ZNF766: variants seen among roughly 807,000 people sequenced by gnomAD.
ZNF766 encodes the protein zinc finger protein 766.
ZNF766 carries 13 observed loss-of-function variants against 13.2 expected under a neutral mutation model. That is an observed-to-expected ratio of 0.98 (90% CI 0.64 to 1.56). The LOEUF (loss-of-function observed/expected upper bound fraction) is 1.56. Ranked by LOEUF, ZNF766 falls within the 40% of genes most tolerant of loss-of-function variation. ZNF766 has a pLI of 0.00. For synonymous variants in ZNF766, 178 were observed against 187.6 expected (o/e 0.95, Z 0.42); for missense variants, 521 against 552.2 (o/e 0.94, Z 0.57).
rs765175754 is a variant in ZNF766 at position 52,294,351 on chromosome 19, A to G, written c.*3153A>G. The G allele has an allele frequency of 6.6e-6, 1 of 152,194 alleles. No homozygotes were observed. Among genetic ancestry groups the G allele is most frequent in the Non-Finnish European group, 1.5e-5 (1 of 68,042 alleles). 9.4% of individuals were successfully genotyped at this position (152,194 alleles called of 1,614,324 possible). ...ACCTTTTTGGTAATTTGAACTTTTGATCATTCTTCTGGAACTGCTTTGACA... is the reference window on the plus strand; with the variant it reads ...ACCTTTTTGGTAATTTGAACTTTTGGTCATTCTTCTGGAACTGCTTTGACA... On this transcript the variant is annotated 3_prime_UTR_variant, in exon 4 of 4. Transcript: ENST00000439461.
chr19:52,286,197 A>ACCCCAG (rs1568621177), intron 3 of ZNF766, among the ~76,000 whole-genome samples: 1 of 148,370 alleles, frequency 6.7e-6, no homozygotes, highest in African/African-American at 2.6e-5. Flanking sequence ...TTCCCCCCTA[A>ACCCCAG]TTATAAAGGA....
Position 52,292,083 on chromosome 19 carries a change from A to G in ZNF766, c.*885A>G. ...CAGAGCGAGACCCTGTCTCAAAAGA[A>G]AAAAAAGGCTAGTTTTTATGACTTC... On this transcript the variant is annotated 3_prime_UTR_variant, in exon 4 of 4. Transcript: ENST00000439461. 1.4e-6 allele frequency: 1 copy of G among 696,890 alleles called. No homozygotes were observed. Among genetic ancestry groups the G allele is most frequent in the Non-Finnish European group, 2.6e-6 (1 of 383,020 alleles). 43.2% of individuals were successfully genotyped at this position (696,890 alleles called of 1,614,324 possible).
chr19:52,290,089 A>G lies in ZNF766; in HGVS notation c.298A>G (p.Lys100Glu). The G allele has an allele frequency of 6.2e-7, 1 of 1,612,212 alleles. No homozygotes were observed. The highest frequency in any genetic ancestry group is 2.2e-5 in the East Asian group (1 of 44,872). The change falls in exon 4 of 4, where the codon AAA (lysine) becomes GAA (glutamate). Residue 100 changes from lysine (K) to glutamate (E), a missense_variant. By Grantham distance (56) the Lys-to-Glu change is moderately conservative (BLOSUM62 1). Transcript: ENST00000439461. Reference sequence around the variant, plus strand: ...AGGGAGGAGCTGTGCAGTGAGAAGCAAAGCAGGAAACAAGCCTATTACAAA... The same window carrying G: ...AGGGAGGAGCTGTGCAGTGAGAAGCGAAGCAGGAAACAAGCCTATTACAAA... ...NTGRSCAVRSKAGNKPITNQL... is the reference protein window; with the variant it reads ...NTGRSCAVRSEAGNKPITNQL...
intron 1 of ZNF766, among the ~76,000 whole-genome samples, chr19:52,277,736 G>A (rs1981281908): frequency 6.6e-6 from 1 of 152,020 alleles, no homozygotes; most frequent in South Asian, 2.1e-4. Context: ...AACTTGGGAA[G>A]AGGCTGCACT....
In ZNF766 at chr19:52,292,518, A is replaced by G. The variant is rs1228176799; in HGVS notation, c.*1320A>G. ...GTGGCCACCGTCTCCATTGAATAGC[A>G]ATAGCTGCTGTTTAGCAAAGACTGA... On this transcript the variant is annotated 3_prime_UTR_variant, in exon 4 of 4. Transcript: ENST00000439461. 3.8e-6 allele frequency: 1 copy of G among 265,312 alleles called. No homozygotes were observed. The highest frequency in any genetic ancestry group is 2.2e-5 in the African/African-American group (1 of 45,546). 16.4% of individuals were successfully genotyped at this position (265,312 alleles called of 1,614,324 possible). A position where few individuals can be genotyped will look rare whatever the true frequency, so the allele number is the denominator to read the frequency against.
intron 3 of ZNF766, among the ~76,000 whole-genome samples, chr19:52,286,597 A>G (rs8103205): frequency 0.085 from 12,965 of 151,914 alleles, 1,216 homozygotes; most frequent in African/African-American, 0.23. Context: ...CATAATTGCT[A>G]AGGTTTTTCA....
At chr19:52,286,343 G>T (rs1441257063) in intron 3 of ZNF766, among the ~76,000 whole-genome samples, 1 of 148,696 alleles carries the variant, frequency 6.7e-6, no homozygotes, top group Non-Finnish European at 1.5e-5. Context: ...TTTTCTTTTG[G>T]GGGAGTGTCT....
In ZNF766 at chr19:52,290,219, G is replaced by A. The variant is rs185292476; in HGVS notation, c.428G>A (p.Ser143Asn). The A allele has an allele frequency of 1.1e-5, 18 of 1,614,004 alleles. No homozygotes were observed. Among genetic ancestry groups the A allele is most frequent in the Middle Eastern group, 1.6e-4 (1 of 6,062 alleles). ...CAAGTTCAAAAGTTCATCAGCCACA[G>A]TTCTTCAGTTTCGCCACTTCAAAGA... ...CNQVQKFISHSSSVSPLQRIY... is the reference protein window; with the variant it reads ...CNQVQKFISHNSSVSPLQRIY... Residue 143 changes from serine (S) to asparagine (N), a missense_variant, in exon 4 of 4, where the codon AGT becomes AAT. Physicochemically the swap from Ser to Asn is conservative, Grantham distance 46. Coordinates refer to ENST00000439461, the MANE Select transcript of ZNF766 (RefSeq NM_001010851.3).
At chr19:52,288,892 C>G (rs1247953355) in intron 3 of ZNF766, among the ~76,000 whole-genome samples, 3 of 152,086 alleles carry the variant, frequency 2.0e-5, no homozygotes, top group African/African-American at 7.2e-5. Context: ...GTCACCCAGG[C>G]TGGAGTGCAG....
intron 1 of ZNF766, among the ~76,000 whole-genome samples, chr19:52,272,542 C>G (rs1440239196): frequency 6.6e-6 from 1 of 152,142 alleles, no homozygotes; most frequent in East Asian, 1.9e-4. Flanking sequence ...TCATAGCTCC[C>G]TGCAGCCTTG....
chr19:52,286,153 AAAAAAG>A lies in ZNF766; in HGVS notation c.274+2744_274+2749del, dbSNP rs536060718. 1.0e-2 allele frequency among the ~76,000 whole-genome samples: 1,463 copies of A among 146,618 alleles called. 27 individuals carry two copies. The highest frequency in any genetic ancestry group is 0.037 in the African/African-American group (1,403 of 37,676). ...TCCCGGAAGAGCTCAATTAAAAAAA[AAAAAAG>A]AAAGAAAGAAAGAATCCAAGTGGGC... On this transcript the variant is annotated intron_variant, in intron 3 of 3. Transcript: ENST00000439461.
rs1293486922 is a variant in ZNF766 at position 52,290,440 on chromosome 19, T to C, written c.649T>C (p.Cys217Arg). Residue 217 changes from cysteine (C) to arginine (R), a missense_variant, in exon 4 of 4, where the codon TGT (cysteine) becomes CGT (arginine). Transcript: ENST00000439461. Reference sequence around the variant, plus strand: ...CCACACTGCAGATAAACCTAACAGATGTCATGAATGTGGTAAAACCGTCAG... The same window carrying C: ...CCACACTGCAGATAAACCTAACAGACGTCATGAATGTGGTAAAACCGTCAG... ...VIHTADKPNR[C>R]HECGKTVRDK... 3.7e-6 allele frequency: 6 copies of C among 1,613,938 alleles called. No homozygotes were observed. The highest frequency in any genetic ancestry group is 1.7e-5 in the Admixed American group (1 of 60,030).
intron 1 of ZNF766, among the ~76,000 whole-genome samples, chr19:52,279,277 C>A (rs1019094687): frequency 6.6e-6 from 1 of 152,122 alleles, no homozygotes; most frequent in African/African-American, 2.4e-5. Flanking sequence ...GTTACTGTAG[C>A]CTTGTGGTAT....
intron 3 of ZNF766, 54 bp from the exon 4 acceptor site, chr19:52,290,012 A>G: frequency 6.6e-7 from 1 of 1,524,554 alleles, no homozygotes; most frequent in Non-Finnish European, 8.8e-7. Context: ...AAAAAAGTGC[A>G]AAAAACATGC....
intron 1 of ZNF766, among the ~76,000 whole-genome samples, chr19:52,271,886 GGAGGTGGAGGTTGCAGTGAGCC>G (rs1233216623): frequency 6.6e-6 from 1 of 151,600 alleles, no homozygotes; most frequent in East Asian, 1.9e-4. Context: ...CTTGAACCCA[GGAGGTGGAGGTTGCAGTGAGCC>G]GAGATGGAGG....
At chr19:52,270,220 G>A (rs556064478) in intron 1 of ZNF766, among the ~76,000 whole-genome samples, 13 of 152,246 alleles carry the variant, frequency 8.5e-5, no homozygotes, top group East Asian at 1.9e-4. Context: ...GAGGAGGTGG[G>A]TATTTTATTC....
At chr19:52,277,741 T>G (rs1981282271) in intron 1 of ZNF766, among the ~76,000 whole-genome samples, 1 of 151,888 alleles carries the variant, frequency 6.6e-6, no homozygotes, top group Admixed American at 6.6e-5. Context: ...GGGAAGAGGC[T>G]GCACTGGGCG....
chr19:52,290,979 A>C lies in ZNF766; in HGVS notation c.1188A>C (p.Ser396=), dbSNP rs760415457. The stretch of plus-strand genomic sequence containing the variant: ...GTGGCAAAGTCTTCACTCAAGTTTC[A>C]CATCTTGCACGACATCAGAAAATTC... ...HECGKVFTQV[S]HLARHQKIHT... Residue 396 remains serine, a synonymous_variant, in exon 4 of 4, where the codon TCA becomes TCC. Coordinates refer to ENST00000439461, the MANE Select transcript of ZNF766 (RefSeq NM_001010851.3). The C allele has an allele frequency of 2.5e-6, 4 of 1,614,060 alleles. No homozygotes were observed. The Admixed American group carries it at 5.0e-5, about 20-fold the overall frequency.
In ZNF766 at chr19:52,295,891, G is replaced by A. The variant is rs1982325998; in HGVS notation, c.*4693G>A. On this transcript the variant is annotated 3_prime_UTR_variant, in exon 4 of 4. Coordinates refer to ENST00000439461, the MANE Select transcript of ZNF766 (RefSeq NM_001010851.3). ...TTTGGGATTTCTGTTGGTTTGTTTT[G>A]TTTTTTGCTTTTCTACATAATTGTT... 1 of 151,428 alleles carries A rather than the reference G, an allele frequency of 6.6e-6. No homozygotes were observed. The highest frequency in any genetic ancestry group is 1.5e-5 in the Non-Finnish European group (1 of 67,864). The allele number at this position is 151,428 out of a possible 1,614,324, so 9.4% of individuals were successfully genotyped here. A position where few individuals can be genotyped will look rare whatever the true frequency, so the allele number is the denominator to read the frequency against.
Sources: gnomAD v4.1 joint callset for allele counts (sites outside exome capture counted in the v4.1 genomes callset) on GRCh38, gnomAD v4.1.1 for gene constraint, MANE v1.5 for transcripts, NCBI Gene and HGNC (gene_info 2026-07-23, HGNC 2026-07-21) for gene names.